The following NRXN1 variants were observed in gnomAD, a reference collection of about 807,000 sequenced individuals.
The protein encoded by NRXN1 is neurexin 1, also known as neurexin-1.
In NRXN1, 39 loss-of-function variants were observed where a neutral mutation model predicts 150.9. That is an observed-to-expected ratio of 0.26 (90% confidence interval 0.20 to 0.34). The LOEUF (loss-of-function observed/expected upper bound fraction) is 0.34. Ranked by LOEUF, NRXN1 falls within the 10% of genes least tolerant of loss-of-function variation. The pLI is 1.00. For synonymous variants in NRXN1, 924 were observed against 757.0 expected (o/e 1.22, Z -3.62); for missense variants, 1,815 against 1,949.9 (o/e 0.93, Z 1.30).
chr2:50,093,427 G>A (rs79336836), intron 18 of NRXN1, among the ~76,000 whole-genome samples: 5,288 of 150,258 alleles, frequency 0.035, 326 homozygotes, highest in African/African-American at 0.12. Flanking sequence ...GACCAGCCTG[G>A]GAAACATAGC....
chr2:50,514,800 T>G (rs1435579539), intron 12 of NRXN1, among the ~76,000 whole-genome samples: 1 of 152,164 alleles, frequency 6.6e-6, no homozygotes, highest in Non-Finnish European at 1.5e-5. Flanking sequence ...AATTCTGCAT[T>G]GCATATTAAA....
At chr2:50,323,556 G>C (rs1232317770) in intron 17 of NRXN1, among the ~76,000 whole-genome samples, 2 of 147,574 alleles carry the variant, frequency 1.4e-5, no homozygotes, top group African/African-American at 5.2e-5. Flanking sequence ...GACAACGCAA[G>C]TTTCGGGAAA....
At chr2:50,101,861 C>G (rs1701025138) in intron 18 of NRXN1, among the ~76,000 whole-genome samples, 1 of 151,882 alleles carries the variant, frequency 6.6e-6, no homozygotes, top group Admixed American at 6.6e-5. Context: ...CCTAATGATG[C>G]TATGTTAGTT....
chr2:50,453,060 C>T (rs1202571880), intron 17 of NRXN1, among the ~76,000 whole-genome samples: 1 of 152,174 alleles, frequency 6.6e-6, no homozygotes, highest in Non-Finnish European at 1.5e-5. Context: ...TTAAAACCCT[C>T]TCATAAATGT....
At chr2:50,843,246 C>A (rs1407581243) in intron 5 of NRXN1, among the ~76,000 whole-genome samples, 1 of 152,152 alleles carries the variant, frequency 6.6e-6, no homozygotes, top group East Asian at 1.9e-4. Flanking sequence ...AAACAATTAA[C>A]TCCTTTAATT....
At chr2:50,895,335 T>A (rs1477856341) in intron 5 of NRXN1, among the ~76,000 whole-genome samples, 3 of 152,124 alleles carry the variant, frequency 2.0e-5, no homozygotes, top group Non-Finnish European at 4.4e-5. Flanking sequence ...AACTGACAAG[T>A]AAATGCCTCT....
At chr2:50,486,219 A>T (rs2090862822) in intron 15 of NRXN1, among the ~76,000 whole-genome samples, 2 of 152,176 alleles carry the variant, frequency 1.3e-5, no homozygotes, top group South Asian at 4.1e-4. Flanking sequence ...CCTTAACATG[A>T]TGCATGACAT....
chr2:50,487,521 G>A (rs1272009254), intron 15 of NRXN1, among the ~76,000 whole-genome samples: 1 of 152,186 alleles, frequency 6.6e-6, no homozygotes, highest in Non-Finnish European at 1.5e-5. Context: ...CATTAAAAAT[G>A]CACTTTCCTG....
At chr2:50,328,418 C>T (rs190442236) in intron 17 of NRXN1, among the ~76,000 whole-genome samples, 1 of 152,116 alleles carries the variant, frequency 6.6e-6, no homozygotes, top group African/African-American at 2.4e-5. Context: ...CTCCCTTCTC[C>T]AGGCTGCAGC....
In NRXN1 at chr2:51,009,809, C is replaced by T. The variant is rs558460911; in HGVS notation, c.772+17693G>A. 6.6e-5 allele frequency among the ~76,000 whole-genome samples: 10 copies of T among 151,950 alleles called. No homozygotes were observed. The South Asian group carries it at 1.5e-3, about 22-fold the overall frequency. On this transcript the variant is annotated intron_variant, in intron 2 of 22. Coordinates refer to ENST00000401669, the MANE Select transcript of NRXN1 (RefSeq NM_001330078.2). ...AAAAAGTGTAAATAAAACATTAACA[C>T]AAATCACTCTGCTGAGGAGAAACGT...
At chr2:50,000,094 G>A (rs1032475041) in intron 21 of NRXN1, among the ~76,000 whole-genome samples, 1 of 152,174 alleles carries the variant, frequency 6.6e-6, no homozygotes, top group African/African-American at 2.4e-5. Context: ...GGGCTGTAAA[G>A]TTGCTACATA....
intron 21 of NRXN1, among the ~76,000 whole-genome samples, chr2:49,971,869 G>T (rs1678017771): frequency 1.3e-5 from 2 of 151,820 alleles, no homozygotes; most frequent in South Asian, 4.2e-4. Context: ...TTTTCTTCTT[G>T]TCTAAGTCAT....
At chr2:50,621,148 G>A in intron 7 of NRXN1, 78 bp downstream of exon 7, 1 of 1,303,314 alleles carries the variant, frequency 7.7e-7, no homozygotes, top group East Asian at 2.6e-5. Flanking sequence ...ACAGTTAAAA[G>A]AAAGAAAGAA....
intron 17 of NRXN1, among the ~76,000 whole-genome samples, chr2:50,281,681 C>T (rs1558445188): frequency 6.6e-6 from 1 of 152,046 alleles, no homozygotes; most frequent in Non-Finnish European, 1.5e-5. Context: ...ATAAACTGTT[C>T]CCAATTAATT....
At chr2:50,682,466 A>G (rs1044206706) in intron 5 of NRXN1, among the ~76,000 whole-genome samples, 6 of 152,180 alleles carry the variant, frequency 3.9e-5, no homozygotes, top group African/African-American at 1.4e-4. Flanking sequence ...TCCTTGGCTT[A>G]TCAACATTAA....
At chr2:50,364,955 A>G (rs2079484042) in intron 17 of NRXN1, among the ~76,000 whole-genome samples, 1 of 152,068 alleles carries the variant, frequency 6.6e-6, no homozygotes, top group Admixed American at 6.6e-5. Flanking sequence ...TCAACAGAAA[A>G]GATAAGGAAA....
At chr2:50,619,748 T>G in intron 8 of NRXN1, 1 of 412,522 alleles carries the variant, frequency 2.4e-6, no homozygotes, top group Non-Finnish European at 4.3e-6. Flanking sequence ...TATCTCTTTT[T>G]GTTTGACTTT....
intron 17 of NRXN1, among the ~76,000 whole-genome samples, chr2:50,448,891 A>G (rs182518515): frequency 2.0e-5 from 3 of 152,260 alleles, no homozygotes. Context: ...AAATAAATAA[A>G]TAAAAGAAAG....
At chr2:50,277,742 GC>G (rs1166188499) in intron 17 of NRXN1, among the ~76,000 whole-genome samples, 3 of 152,152 alleles carry the variant, frequency 2.0e-5, no homozygotes, top group Non-Finnish European at 2.9e-5. Flanking sequence ...AATTCACAGT[GC>G]TTTGTGTCTG....
Sources: allele counts gnomAD v4.1 joint callset (sites outside exome capture counted in the v4.1 genomes callset), GRCh38; gene constraint gnomAD v4.1.1; transcripts MANE v1.5; gene names NCBI Gene and HGNC (gene_info 2026-07-23, HGNC 2026-07-21).